Variants in TSHZ3 observed in about 807,000 individuals in gnomAD.
TSHZ3 encodes teashirt zinc finger homeobox 3, also known as teashirt homolog 3.
In TSHZ3, 10 loss-of-function variants were observed where a neutral mutation model predicts 64.5. The observed-to-expected ratio is 0.16, with a 90% CI of 0.10 to 0.26. The LOEUF (loss-of-function observed/expected upper bound fraction) is 0.26. TSHZ3 is among the 10% of genes least tolerant of loss of function. TSHZ3 has a pLI of 1.00. For missense variants in TSHZ3, 1,242 were observed against 1,421.7 expected, an observed-to-expected ratio of 0.87 and a Z score of 2.03; for synonymous variants, 608 against 593.1, an observed-to-expected ratio of 1.03 and a Z score of -0.36.
At position 31,324,524 on chromosome 19, in the gene TSHZ3, A is replaced by C. The variant is rs1383744993; in HGVS notation, c.40+24656T>G. 3.3e-5 allele frequency among the ~76,000 whole-genome samples: 5 copies of C among 152,306 alleles called. No homozygotes were observed. The East Asian group carries it at 9.6e-4, about 29-fold the overall frequency. On this transcript the variant is annotated intron_variant, in intron 1 of 1. Transcript: ENST00000240587. ...CAGCTTTCCTTCAAGCACCTTCCAAACCCAAAAGAATGGGCAAGGGGCGTG... is the reference window on the plus strand; with the variant it reads ...CAGCTTTCCTTCAAGCACCTTCCAACCCCAAAAGAATGGGCAAGGGGCGTG...
At chr19:31,189,990 ATC>A (rs1352625711) in intron 5 of TSHZ3, among the ~76,000 whole-genome samples, 1 of 152,154 alleles carries the variant, frequency 6.6e-6, no homozygotes, top group Non-Finnish European at 1.5e-5. Context: ...TTTTCTCTAA[ATC>A]TCTGTGTCTA....
At chr19:31,183,425 G>T (rs1974754848) in intron 5 of TSHZ3, among the ~76,000 whole-genome samples, 1 of 152,130 alleles carries the variant, frequency 6.6e-6, no homozygotes, top group African/African-American at 2.4e-5. Flanking sequence ...GGCTCGTCTT[G>T]CTCTGAGTGA....
At chr19:31,178,930 C>G (rs555111511) in intron 5 of TSHZ3, among the ~76,000 whole-genome samples, 1 of 152,184 alleles carries the variant, frequency 6.6e-6, no homozygotes, top group Middle Eastern at 3.4e-3. Context: ...GAAATGTGCA[C>G]CTGTGCCTCT....
intron 1 of TSHZ3, among the ~76,000 whole-genome samples, chr19:31,293,139 G>A (rs1034931096): frequency 1.5e-4 from 23 of 150,554 alleles, no homozygotes; most frequent in African/African-American, 2.2e-4. Context: ...CCATCCATCC[G>A]CCCACCCACC....
chr19:31,182,257 C>A (rs1210872874), intron 5 of TSHZ3, among the ~76,000 whole-genome samples: 1 of 152,138 alleles, frequency 6.6e-6, no homozygotes, highest in Non-Finnish European at 1.5e-5. Flanking sequence ...CATTTCTGTA[C>A]CGATGCTGTG....
chr19:31,229,126 G>C (rs867786613), intron 3 of TSHZ3, among the ~76,000 whole-genome samples: 3 of 152,266 alleles, frequency 2.0e-5, no homozygotes, highest in Middle Eastern at 6.8e-3. Flanking sequence ...TTGTAAGGGG[G>C]CCATTGCCTC....
exon 7 of TSHZ3, among the ~76,000 whole-genome samples, chr19:31,150,967 C>A (rs978682329): frequency 2.6e-5 from 4 of 152,128 alleles, no homozygotes; most frequent in Non-Finnish European, 5.9e-5. Flanking sequence ...TGCAACTCTT[C>A]TATTCTTCTT....
intron 4 of TSHZ3, among the ~76,000 whole-genome samples, chr19:31,226,175 C>T (rs1032548511): frequency 2.0e-5 from 3 of 151,660 alleles, no homozygotes; most frequent in African/African-American, 7.3e-5. Flanking sequence ...CCCAATTCCT[C>T]ACCTCCTTTC....
chr19:31,177,396 G>A (rs1274953082), intron 5 of TSHZ3, among the ~76,000 whole-genome samples: 2 of 152,322 alleles, frequency 1.3e-5, no homozygotes, highest in African/African-American at 2.4e-5. Flanking sequence ...GGGGCCCCAC[G>A]GGAATCTCCA....
At chr19:31,243,500 A>G (rs1975723173) in intron 1 of TSHZ3, among the ~76,000 whole-genome samples, 1 of 152,128 alleles carries the variant, frequency 6.6e-6, no homozygotes, top group Non-Finnish European at 1.5e-5. Flanking sequence ...GGTATCCTAT[A>G]TCATATAATG....
intron 1 of TSHZ3, among the ~76,000 whole-genome samples, chr19:31,306,571 A>G (rs942643014): frequency 6.6e-6 from 1 of 152,090 alleles, no homozygotes; most frequent in Non-Finnish European, 1.5e-5. Flanking sequence ...GTGCGTATGT[A>G]TGCGTGTGTG....
chr19:31,334,271 A>G lies in TSHZ3; in HGVS notation c.40+14909T>C, dbSNP rs1235442312. Among the ~76,000 whole-genome samples the G allele has an allele frequency of 3.9e-5, 6 of 152,118 alleles. No homozygotes were observed. In the East Asian group the frequency reaches 7.7e-4, roughly 20 times the overall value. On this transcript the variant is annotated intron_variant, in intron 1 of 1. Coordinates refer to ENST00000240587, the MANE Select transcript of TSHZ3 (RefSeq NM_020856.4). ...TACACACCCATAGTATTTGCTAACT[A>G]ATATATGTGAAAGAGCCATTTTACT...
intron 5 of TSHZ3, among the ~76,000 whole-genome samples, chr19:31,186,512 G>A (rs938475907): frequency 4.6e-5 from 7 of 152,172 alleles, no homozygotes; most frequent in Non-Finnish European, 1.0e-4. Context: ...TGATTGTCAA[G>A]TTTTCTGGGG....
chr19:31,290,247 A>G (rs1976540477), intron 1 of TSHZ3, among the ~76,000 whole-genome samples: 2 of 152,164 alleles, frequency 1.3e-5, no homozygotes, highest in Non-Finnish European at 2.9e-5. Context: ...TCAGGCCTGG[A>G]TTGCCACTAA....
chr19:31,302,399 T>C (rs372822560), intron 1 of TSHZ3, among the ~76,000 whole-genome samples: 23 of 152,204 alleles, frequency 1.5e-4, no homozygotes, highest in African/African-American at 5.3e-4. Flanking sequence ...GCACCATACA[T>C]GCAAAATCAG....
At chr19:31,167,815 A>G (rs1412945959) in intron 5 of TSHZ3, 1 of 152,210 alleles carries the variant, frequency 6.6e-6, no homozygotes, top group East Asian at 1.9e-4. Context: ...CTCGAGGCTG[A>G]TGGCGTTTTT....
chr19:31,281,717 A>C (rs1976363631), intron 1 of TSHZ3, among the ~76,000 whole-genome samples: 1 of 152,234 alleles, frequency 6.6e-6, no homozygotes, highest in South Asian at 2.1e-4. Flanking sequence ...AAGACTGTGA[A>C]TGCATGTGTT....
At chr19:31,313,474 C>T (rs986959263) in intron 1 of TSHZ3, among the ~76,000 whole-genome samples, 9 of 152,164 alleles carry the variant, frequency 5.9e-5, no homozygotes, top group African/African-American at 1.2e-4. Flanking sequence ...ATGCCTGCCA[C>T]GTGCGGATGT....
chr19:31,334,571 G>A (rs929289436), intron 1 of TSHZ3, among the ~76,000 whole-genome samples: 2 of 152,272 alleles, frequency 1.3e-5, no homozygotes, highest in Non-Finnish European at 1.5e-5. Context: ...CCAGCAGGGT[G>A]GGGGCTGAGC....
Sources: allele counts gnomAD v4.1 joint callset (sites outside exome capture counted in the v4.1 genomes callset), GRCh38; gene constraint gnomAD v4.1.1; transcripts MANE v1.5; gene names NCBI Gene and HGNC (gene_info 2026-07-23, HGNC 2026-07-21).